The following HGF variants were observed in gnomAD, a reference collection of about 807,000 sequenced individuals.
HGF encodes the protein fibroblast-derived tumor cytotoxic factor.
HGF carries 39 observed loss-of-function variants against 111.6 expected under a neutral mutation model. That is an observed-to-expected ratio of 0.35 (90% CI 0.27 to 0.46). The LOEUF (loss-of-function observed/expected upper bound fraction) is 0.46, where lower values mean the gene tolerates loss of function less well. Among genes scored for constraint, HGF ranks in the 20% least tolerant of loss-of-function variants. HGF has a pLI of 1.00. For missense variants in HGF, 735 were observed against 910.5 expected, an observed-to-expected ratio of 0.81 and a Z score of 2.48; for synonymous variants, 285 against 294.8, an observed-to-expected ratio of 0.97 and a Z score of 0.34.
chr7:81,742,473 C>A (rs1788045118), intron 7 of HGF, among the ~76,000 whole-genome samples: 1 of 152,054 alleles, frequency 6.6e-6, no homozygotes, highest in Non-Finnish European at 1.5e-5. Flanking sequence ...ATATACATAA[C>A]TTTATATTAT....
intron 5 of HGF, among the ~76,000 whole-genome samples, chr7:81,749,977 C>A (rs997228157): frequency 5.3e-5 from 8 of 151,990 alleles, no homozygotes; most frequent in Middle Eastern, 3.5e-3. Flanking sequence ...TTTATAGTTG[C>A]TACCTTAGCC....
intron 1 of HGF, among the ~76,000 whole-genome samples, chr7:81,764,500 G>A (rs776424562): frequency 3.3e-5 from 5 of 152,060 alleles, no homozygotes; most frequent in Non-Finnish European, 5.9e-5. Flanking sequence ...GTTATTTATT[G>A]AGCATGGACC....
At chr7:81,739,799 C>T (rs1434605515) in intron 7 of HGF, among the ~76,000 whole-genome samples, 1 of 152,044 alleles carries the variant, frequency 6.6e-6, no homozygotes, top group African/African-American at 2.4e-5. Context: ...CTCATGGACA[C>T]CAGTTTAGAG....
At chr7:81,746,608 C>T (rs374388169) in intron 5 of HGF, among the ~76,000 whole-genome samples, 32 of 152,062 alleles carry the variant, frequency 2.1e-4, no homozygotes, top group African/African-American at 7.7e-4. Flanking sequence ...GATAAGTATT[C>T]ATATGTACAA....
intron 5 of HGF, chr7:81,751,215 A>G (rs1788482822): frequency 6.4e-6 from 6 of 943,742 alleles, no homozygotes; most frequent in Non-Finnish European, 6.3e-6. Flanking sequence ...AAACTTGGAC[A>G]GCATTCCAGT....
chr7:81,764,341 A>C (rs1399044439), intron 1 of HGF, among the ~76,000 whole-genome samples: 1 of 152,140 alleles, frequency 6.6e-6, no homozygotes, highest in Non-Finnish European at 1.5e-5. Context: ...TCCAAAGCAC[A>C]ATCTCCAAAA....
At chr7:81,729,895 A>C in intron 7 of HGF, 116 bp from the exon 8 acceptor site, 1 of 782,626 alleles carries the variant, frequency 1.3e-6, no homozygotes, top group South Asian at 1.8e-5. Flanking sequence ...GTTACTTATA[A>C]GCTTTTATAA....
intron 11 of HGF, among the ~76,000 whole-genome samples, chr7:81,715,826 A>G (rs1313318314): frequency 3.9e-5 from 6 of 152,180 alleles, no homozygotes; most frequent in African/African-American, 9.6e-5. Flanking sequence ...TTTAGAGTAG[A>G]TATTTTTGCT....
In HGF at chr7:81,752,170, C is replaced by T. The variant is rs987979593; in HGVS notation, c.575G>A (p.Ser192Asn). The change falls in exon 5 of 18, where the codon AGC becomes AAC. Residue 192 changes from serine (S) to asparagine (N), a missense_variant. Physicochemically the swap from Ser to Asn is conservative, Grantham distance 46. Around this residue, in one of 3 missense-constraint regions of HGF, gnomAD observed 553 missense variants for 685.6 expected, o/e 0.81. Coordinates refer to ENST00000222390, the MANE Select transcript of HGF (RefSeq NM_000601.6). Reference sequence around the variant, plus strand: ...GACTTCGTAGCGTACCTCTGGATTGCTTGTGAAACACCAGGGTCCCCCTTC... The same window carrying T: ...GACTTCGTAGCGTACCTCTGGATTGTTTGTGAAACACCAGGGTCCCCCTTC... Reference protein sequence around the residue: ...GEEGGPWCFTSNPEVRYEVCD... With the variant: ...GEEGGPWCFTNNPEVRYEVCD... The T allele has an allele frequency of 6.2e-7, 1 of 1,613,656 alleles. No individual in the cohort carries two copies. Among genetic ancestry groups the T allele is most frequent in the Non-Finnish European group, 8.5e-7 (1 of 1,179,630 alleles).
chr7:81,724,512 G>A (rs1034515319), intron 9 of HGF, among the ~76,000 whole-genome samples: 1 of 152,114 alleles, frequency 6.6e-6, no homozygotes, highest in African/African-American at 2.4e-5. Flanking sequence ...CTATACATCA[G>A]TAATTCCCAG....
intron 8 of HGF, 44 bp from the exon 9 acceptor site, chr7:81,726,061 C>T (rs377612365): frequency 9.4e-6 from 15 of 1,601,572 alleles, no homozygotes; most frequent in Non-Finnish European, 1.2e-5. Context: ...GGAGTTCTTA[C>T]GTTGGTGAAG....
intron 7 of HGF, among the ~76,000 whole-genome samples, chr7:81,739,049 C>G (rs1451311327): frequency 1.3e-5 from 2 of 152,092 alleles, no homozygotes; most frequent in Non-Finnish European, 1.5e-5. Context: ...CAAGCACCTG[C>G]ATCTCAATAT....
At chr7:81,757,055 A>G in intron 4 of HGF, 134 bp downstream of exon 4, 1 of 690,004 alleles carries the variant, frequency 1.4e-6, no homozygotes, top group Non-Finnish European at 2.7e-6. Flanking sequence ...ATTCATATAA[A>G]CCTTGCCGTA....
intron 9 of HGF, among the ~76,000 whole-genome samples, chr7:81,721,197 A>G (rs1298227396): frequency 6.6e-6 from 1 of 152,178 alleles, no homozygotes; most frequent in Non-Finnish European, 1.5e-5. Flanking sequence ...CCGTGAGCCG[A>G]GATGGCGCCA....
intron 7 of HGF, among the ~76,000 whole-genome samples, chr7:81,735,641 GTTACT>G (rs1426370805): frequency 6.6e-6 from 1 of 151,986 alleles, no homozygotes; most frequent in Admixed American, 6.6e-5. Flanking sequence ...ATGTTCATTG[GTTACT>G]AAGGGAAAGG....
At chr7:81,712,606 G>C (rs912452026) in intron 11 of HGF, among the ~76,000 whole-genome samples, 1 of 152,182 alleles carries the variant, frequency 6.6e-6, no homozygotes. Context: ...CAAGGATTTT[G>C]AAATACTTAT....
chr7:81,731,699 T>C (rs1787662330), intron 7 of HGF, among the ~76,000 whole-genome samples: 1 of 152,138 alleles, frequency 6.6e-6, no homozygotes, highest in Non-Finnish European at 1.5e-5. Context: ...AAACTGAATG[T>C]ATGGGGAAAG....
intron 7 of HGF, among the ~76,000 whole-genome samples, chr7:81,732,669 C>A (rs1787705539): frequency 6.6e-6 from 1 of 151,974 alleles, no homozygotes; most frequent in Non-Finnish European, 1.5e-5. Context: ...CATAGGTTAT[C>A]ACAATTCATT....
chr7:81,740,706 A>G (rs1787972796), intron 7 of HGF, among the ~76,000 whole-genome samples: 1 of 152,236 alleles, frequency 6.6e-6, no homozygotes, highest in African/African-American at 2.4e-5. Context: ...GTTATGTGTC[A>G]GAGAAAGTTA....
Sources: allele counts gnomAD v4.1 joint callset (sites outside exome capture counted in the v4.1 genomes callset), GRCh38; gene constraint gnomAD v4.1.1; regional missense constraint gnomAD v4.1.1; transcripts MANE v1.5; gene names NCBI Gene and HGNC (gene_info 2026-07-23, HGNC 2026-07-21).